Variants in DSCC1 observed in about 807,000 individuals in gnomAD.
DSCC1 encodes the protein sister chromatid cohesion protein DCC1.
In DSCC1, 32 loss-of-function variants were observed where a neutral mutation model predicts 48.2. The ratio of observed to expected loss-of-function variants is 0.66; its 90% CI spans 0.50 to 0.89. DSCC1 has a LOEUF of 0.89. Among genes scored for constraint, DSCC1 ranks in the 40% least tolerant of loss-of-function variants. The probability of loss-of-function intolerance (pLI) is 0.00; values close to 1 mark genes in which losing one functional copy is unlikely to be tolerated. For synonymous variants in DSCC1, 150 were observed against 171.5 expected, an observed-to-expected ratio of 0.87 and a Z score of 0.98; for missense variants, 421 against 471.7, an observed-to-expected ratio of 0.89 and a Z score of 1.00.
At chr8:119,838,458 A>C in intron 7 of DSCC1, 51 bp from the exon 8 acceptor site, 1 of 1,474,286 alleles carries the variant, frequency 6.8e-7, no homozygotes, top group Non-Finnish European at 9.0e-7. Flanking sequence ...TGTAATGTTT[A>C]AACATGACTC....
At position 119,843,589 on chromosome 8, in the gene DSCC1, C is replaced by T. The variant is rs755636984; in HGVS notation, c.716+20G>A. Reference sequence around the variant, plus strand: ...TTCCCCTTAAGGAAATCTGGATAGACAAGAAATTAAAATACTTACTCTGGC... The same window carrying T: ...TTCCCCTTAAGGAAATCTGGATAGATAAGAAATTAAAATACTTACTCTGGC... On this transcript the variant is annotated intron_variant, in intron 5 of 8. Coordinates refer to ENST00000313655, the MANE Select transcript of DSCC1 (RefSeq NM_024094.3). 9 of 1,595,932 alleles carry T rather than the reference C, an allele frequency of 5.6e-6. No homozygotes were observed. Among genetic ancestry groups the T allele is most frequent in the South Asian group, 2.3e-5 (2 of 86,744 alleles).
intron 3 of DSCC1, among the ~76,000 whole-genome samples, chr8:119,849,328 C>T (rs1355235089): frequency 6.6e-6 from 1 of 152,064 alleles, no homozygotes; most frequent in African/African-American, 2.4e-5. Flanking sequence ...ATCACTTGAA[C>T]CCAGGAGGCA....
At chr8:119,849,288 C>T (rs1403631023) in intron 3 of DSCC1, among the ~76,000 whole-genome samples, 1 of 151,298 alleles carries the variant, frequency 6.6e-6, no homozygotes, top group Admixed American at 6.6e-5. Context: ...CACCTGTAAT[C>T]CCAGCTATTC....
chr8:119,846,986 C>T lies in DSCC1; in HGVS notation c.577+4G>A, dbSNP rs373912166. 1 of 1,613,202 alleles carries T rather than the reference C, an allele frequency of 6.2e-7. No homozygotes were observed. The highest frequency in any genetic ancestry group is 8.5e-7 in the Non-Finnish European group (1 of 1,179,576). Reference sequence around the variant, plus strand: ...ATTGTTAAAATAGTAGTAAGTAACGCTACCTCCAATCTTACAGGCATTTAG... The same window carrying T: ...ATTGTTAAAATAGTAGTAAGTAACGTTACCTCCAATCTTACAGGCATTTAG... On this transcript the variant is annotated splice_donor_region_variant and intron_variant, in intron 4 of 8. Transcript: ENST00000313655.
chr8:119,855,735 C>G lies in DSCC1; in HGVS notation c.61G>C (p.Glu21Gln), dbSNP rs1554668606. 3 of 1,576,004 alleles carry G rather than the reference C, an allele frequency of 1.9e-6. No homozygotes were observed. Among genetic ancestry groups the G allele is most frequent in the African/African-American group, 2.7e-5 (2 of 73,188 alleles). Residue 21 changes from glutamate to glutamine, a missense_variant, in exon 1 of 9, where the codon GAG becomes CAG. Physicochemically the swap from Glu to Gln is conservative, Grantham distance 29. Coordinates refer to ENST00000313655, the MANE Select transcript of DSCC1 (RefSeq NM_024094.3). ...AGGCAGTGCACCGCCGGCAGCAGCT[C>G]GGCCGCATTCAGCTTGGCGATCTGC... ...TLQIAKLNAA[E>Q]LLPAVHCLGF...
chr8:119,850,105 G>A (rs1826923019), intron 3 of DSCC1, among the ~76,000 whole-genome samples: 1 of 152,048 alleles, frequency 6.6e-6, no homozygotes, highest in African/African-American at 2.4e-5. Flanking sequence ...TATAGGATCT[G>A]CTTTAAAATA....
chr8:119,838,298 C>T lies in DSCC1; in HGVS notation c.1034G>A (p.Arg345Lys). Residue 345 changes from arginine (R) to lysine (K), a missense_variant, in exon 8 of 9, where the codon AGG becomes AAG. Transcript: ENST00000313655. Reference sequence around the variant, plus strand: ...AATATCTTCTTCTGTCCACTTCTCCCTTAGAGAGAAAAGGCTATTAAAACG... The same window carrying T: ...AATATCTTCTTCTGTCCACTTCTCCTTTAGAGAGAAAAGGCTATTAAAACG... ...QERFNSLFSL[R>K]EKWTEEDIAP... The T allele has an allele frequency of 1.2e-6, 2 of 1,606,966 alleles. No homozygotes were observed. The highest frequency in any genetic ancestry group is 1.7e-6 in the Non-Finnish European group (2 of 1,177,348).
At chr8:119,847,950 C>G (rs1380655232) in intron 3 of DSCC1, among the ~76,000 whole-genome samples, 3 of 151,848 alleles carry the variant, frequency 2.0e-5, no homozygotes, top group African/African-American at 7.3e-5. Context: ...CAGGCGTGAG[C>G]CACCCCGCCT....
intron 2 of DSCC1, among the ~76,000 whole-genome samples, chr8:119,851,238 CTG>C (rs1826940050): frequency 6.6e-6 from 1 of 152,172 alleles, no homozygotes; most frequent in African/African-American, 2.4e-5. Flanking sequence ...CCCTCCAACT[CTG>C]AAATGGAAGG....
At chr8:119,852,965 G>T in intron 2 of DSCC1, 82 bp downstream of exon 2, 1 of 1,294,782 alleles carries the variant, frequency 7.7e-7, no homozygotes, top group Non-Finnish European at 1.0e-6. Context: ...GATTTTACAC[G>T]TAAACTTTTT....
At chr8:119,837,374 G>C (rs1332860891) in intron 8 of DSCC1, among the ~76,000 whole-genome samples, 1 of 152,168 alleles carries the variant, frequency 6.6e-6, no homozygotes, top group Non-Finnish European at 1.5e-5. Flanking sequence ...CACATGAGGA[G>C]GTTGGCCAAT....
rs186653568 is a variant in DSCC1 at position 119,835,628 on chromosome 8, C to T, written c.1074-627G>A. Reference sequence around the variant, plus strand: ...ATAAATGAGAGTCAAATCCTGCCACCAGGTTTGTACAACTTCAAAGTCTAT... The same window carrying T: ...ATAAATGAGAGTCAAATCCTGCCACTAGGTTTGTACAACTTCAAAGTCTAT... On this transcript the variant is annotated intron_variant, in intron 8 of 8. Coordinates refer to ENST00000313655, the MANE Select transcript of DSCC1 (RefSeq NM_024094.3). 5.3e-5 allele frequency among the ~76,000 whole-genome samples: 8 copies of T among 152,214 alleles called. No homozygotes were observed. The East Asian group carries it at 1.3e-3, about 26-fold the overall frequency.
intron 8 of DSCC1, among the ~76,000 whole-genome samples, chr8:119,835,312 C>A (rs1408733244): frequency 6.6e-6 from 1 of 152,076 alleles, no homozygotes; most frequent in Non-Finnish European, 1.5e-5. Flanking sequence ...GAAGATCAGC[C>A]TGGCCAACGT....
Position 119,853,052 on chromosome 8 carries a change from T to C in DSCC1, c.346A>G (p.Thr116Ala). 1.2e-6 allele frequency: 2 copies of C among 1,608,544 alleles called. No homozygotes were observed. Among genetic ancestry groups the C allele is most frequent in the Non-Finnish European group, 1.7e-6 (2 of 1,176,490 alleles). ...CAGAGTACAGAAAAGAGCACCTCAG[T>C]GTGAATAATGTTACAGTGTGAATCT... ...KEDSHCNIIH[T>A]EIFGFSNNYW... The change falls in exon 2 of 9, where the codon ACT becomes GCT. Residue 116 changes from threonine to alanine, a missense_variant. Physicochemically the swap from Thr to Ala is moderately conservative, Grantham distance 58 (BLOSUM62 0). Coordinates refer to ENST00000313655, the MANE Select transcript of DSCC1 (RefSeq NM_024094.3).
At position 119,855,874 on chromosome 8, in the gene DSCC1, C is replaced by A; in HGVS notation, c.-79G>T. On this transcript the variant is annotated 5_prime_UTR_variant, in exon 1 of 9. Coordinates refer to ENST00000313655, the MANE Select transcript of DSCC1 (RefSeq NM_024094.3). Reference sequence around the variant, plus strand: ...GGCAAGAAAGAAGTTCCCAAGCAGCCGGAAGGTAGGAAACCTGAGCGTTTG... The same window carrying A: ...GGCAAGAAAGAAGTTCCCAAGCAGCAGGAAGGTAGGAAACCTGAGCGTTTG... The A allele has an allele frequency of 7.2e-7, 1 of 1,388,910 alleles. No homozygotes were observed. Among genetic ancestry groups the A allele is most frequent in the Non-Finnish European group, 9.4e-7 (1 of 1,069,426 alleles). 86.0% of individuals were successfully genotyped at this position (1,388,910 alleles called of 1,614,324 possible).
At chr8:119,842,679 CCCAG>C (rs1181842855) in intron 6 of DSCC1, 93 bp downstream of exon 6, 1 of 1,162,446 alleles carries the variant, frequency 8.6e-7, no homozygotes, top group Non-Finnish European at 1.3e-6. Context: ...AGCCACTGCA[CCCAG>C]CCAGAGTTCT....
At chr8:119,846,921 T>C in intron 4 of DSCC1, 69 bp downstream of exon 4, 1 of 1,371,292 alleles carries the variant, frequency 7.3e-7, no homozygotes, top group South Asian at 1.2e-5. Context: ...AGGGTGAAGA[T>C]GTCCAAAAAC....
intron 6 of DSCC1, 147 bp downstream of exon 6, chr8:119,842,629 A>AC: frequency 1.6e-6 from 1 of 643,172 alleles, no homozygotes; most frequent in South Asian, 1.8e-5. Flanking sequence ...CAAGCGACCC[A>AC]CCCACTGCAG....
At chr8:119,835,915 C>T (rs1270928914) in intron 8 of DSCC1, among the ~76,000 whole-genome samples, 1 of 152,148 alleles carries the variant, frequency 6.6e-6, no homozygotes, top group Non-Finnish European at 1.5e-5. Context: ...TCACGTAGAA[C>T]CTTGAAGGAC....
Sources: gnomAD v4.1 joint callset for allele counts (sites outside exome capture counted in the v4.1 genomes callset) on GRCh38, gnomAD v4.1.1 for gene constraint, MANE v1.5 for transcripts, NCBI Gene and HGNC (gene_info 2026-07-23, HGNC 2026-07-21) for gene names.